Variants in NAV2 observed in about 807,000 individuals in gnomAD.
The protein encoded by NAV2 is helicase, APC down-regulated 1.
In NAV2, 54 loss-of-function variants were observed where a neutral mutation model predicts 223.2. The ratio of observed to expected loss-of-function variants is 0.24; its 90% CI spans 0.19 to 0.30. The LOEUF (loss-of-function observed/expected upper bound fraction) is 0.30, where lower values mean the gene tolerates loss of function less well. Ranked by LOEUF, NAV2 falls within the 10% of genes least tolerant of loss-of-function variation. The pLI, the probability that NAV2 is intolerant of heterozygous loss-of-function variation, is 1.00. For synonymous variants in NAV2, 1,279 were observed against 1,239.3 expected (o/e 1.03, Z -0.67); for missense variants, 2,806 against 3,147.5 (o/e 0.89, Z 2.60).
intron 1 of NAV2, among the ~76,000 whole-genome samples, chr11:19,386,821 G>A (rs1387029510): frequency 1.3e-5 from 2 of 152,118 alleles, no homozygotes; most frequent in Non-Finnish European, 2.9e-5. Flanking sequence ...ATGATATTCA[G>A]AAATAATTTC....
intron 1 of NAV2, among the ~76,000 whole-genome samples, chr11:19,610,584 T>C (rs2046609839): frequency 6.6e-6 from 1 of 152,254 alleles, no homozygotes. Flanking sequence ...AGCCTGTTGA[T>C]ATCCAGTTCT....
At chr11:19,750,873 C>CTATA (rs1241561413) in intron 1 of NAV2, among the ~76,000 whole-genome samples, 2 of 152,166 alleles carry the variant, frequency 1.3e-5, no homozygotes, top group Non-Finnish European at 2.9e-5. Flanking sequence ...TAGCTATATA[C>CTATA]TATACACTGT....
chr11:19,582,584 G>A (rs1460093779), intron 1 of NAV2, among the ~76,000 whole-genome samples: 2 of 152,138 alleles, frequency 1.3e-5, no homozygotes, highest in East Asian at 3.8e-4. Flanking sequence ...TTCTGCATAT[G>A]GCTAGCCAGT....
At chr11:19,499,853 C>T (rs554851133) in intron 1 of NAV2, among the ~76,000 whole-genome samples, 4 of 152,140 alleles carry the variant, frequency 2.6e-5, no homozygotes, top group Admixed American at 2.0e-4. Context: ...TTATGTTTAT[C>T]TCCTATCCCT....
rs77057226 is a variant in NAV2 at position 19,891,039 on chromosome 11, A to G, written c.771-1395A>G. On this transcript the variant is annotated intron_variant, in intron 5 of 37. Coordinates refer to ENST00000349880, the MANE Select transcript of NAV2 (RefSeq NM_145117.5). ...GGGCCAGCTTCTTTTTAACTATATA[A>G]TTTTTACAGTCCCCTCACACCAGCT... Among the ~76,000 whole-genome samples the G allele has an allele frequency of 9.2e-3, 1,398 of 152,094 alleles. 14 individuals carry two copies. The highest frequency in any genetic ancestry group is 0.032 in the African/African-American group (1,334 of 41,474).
At chr11:19,968,754 G>A (rs1442896781) in intron 10 of NAV2, among the ~76,000 whole-genome samples, 2 of 152,192 alleles carry the variant, frequency 1.3e-5, no homozygotes, top group African/African-American at 4.8e-5. Flanking sequence ...AGCTCCTGGT[G>A]CACTGATAGA....
At chr11:19,714,023 A>C in intron 1 of NAV2, 61 bp downstream of exon 1, 1 of 1,585,122 alleles carries the variant, frequency 6.3e-7, no homozygotes, top group Non-Finnish European at 8.6e-7. Flanking sequence ...TTCTTTCGGG[A>C]TGGTGTGGGA....
intron 12 of NAV2, among the ~76,000 whole-genome samples, chr11:20,037,114 A>G (rs2056446731): frequency 6.6e-6 from 1 of 152,084 alleles, no homozygotes; most frequent in East Asian, 1.9e-4. Flanking sequence ...GTAGGCTGGA[A>G]TCTTTTTCAT....
At chr11:19,479,225 A>G (rs1248851336) in intron 1 of NAV2, among the ~76,000 whole-genome samples, 2 of 152,060 alleles carry the variant, frequency 1.3e-5, no homozygotes, top group African/African-American at 4.8e-5. Flanking sequence ...AGAGTCTGGA[A>G]GCTCCACAAG....
intron 6 of NAV2, among the ~76,000 whole-genome samples, chr11:19,906,877 A>G (rs557916753): frequency 9.9e-5 from 15 of 152,278 alleles, no homozygotes; most frequent in African/African-American, 3.6e-4. Flanking sequence ...ACAGGCCTAC[A>G]CTTCTCTGCT....
rs542114113 is a variant in NAV2, at chr11:19,785,976, C to T, written c.268-46508C>T. Among the ~76,000 whole-genome samples the T allele has an allele frequency of 3.9e-5, 6 of 152,226 alleles. 1 individual carries two copies. The highest frequency in any genetic ancestry group is 1.4e-4 in the African/African-American group (6 of 41,542). ...TCACTCAGTAAGGATGACTGCACAC[C>T]TACCTTACACCAGGCAAGGAGGGAA... On this transcript the variant is annotated intron_variant, in intron 1 of 37. Transcript: ENST00000349880.
At chr11:19,866,608 G>A (rs1183095303) in intron 3 of NAV2, among the ~76,000 whole-genome samples, 2 of 152,264 alleles carry the variant, frequency 1.3e-5, no homozygotes, top group South Asian at 2.1e-4. Flanking sequence ...TGTGTTGAAT[G>A]TTCCATAAAT....
intron 1 of NAV2, among the ~76,000 whole-genome samples, chr11:19,556,690 T>C (rs188283052): frequency 8.5e-5 from 13 of 152,352 alleles, no homozygotes; most frequent in African/African-American, 3.1e-4. Flanking sequence ...GAAGATCAAA[T>C]AATTACTATA....
At chr11:19,714,812 G>A (rs547620029) in intron 1 of NAV2, among the ~76,000 whole-genome samples, 1 of 152,302 alleles carries the variant, frequency 6.6e-6, no homozygotes, top group South Asian at 2.1e-4. Flanking sequence ...ACAGAAATTA[G>A]CAAGGGCCAA....
At chr11:19,976,692 T>C (rs2049788858) in intron 10 of NAV2, among the ~76,000 whole-genome samples, 1 of 152,248 alleles carries the variant, frequency 6.6e-6, no homozygotes, top group Admixed American at 6.5e-5. Flanking sequence ...CTTCCTGCTG[T>C]ACCTTGACCA....
intron 8 of NAV2, among the ~76,000 whole-genome samples, chr11:19,944,568 CTTTCCATTTCCA>C: frequency 6.7e-6 from 1 of 148,984 alleles, no homozygotes; most frequent in Non-Finnish European, 1.5e-5. Flanking sequence ...TTCCCTTTCC[CTTTCCATTTCCA>C]TTTCCATTTT....
chr11:20,042,239 G>A (rs1199803929), intron 12 of NAV2, among the ~76,000 whole-genome samples: 1 of 152,228 alleles, frequency 6.6e-6, no homozygotes, highest in Non-Finnish European at 1.5e-5. Context: ...GAGTACTTGT[G>A]TACTTACCCT....
chr11:19,480,114 GA>G (rs1590292819), intron 1 of NAV2, among the ~76,000 whole-genome samples: 5 of 152,130 alleles, frequency 3.3e-5, no homozygotes, highest in South Asian at 4.2e-4. Flanking sequence ...GCCCTGGACA[GA>G]AAAAAAGCAT....
chr11:19,479,837 A>G (rs746726008), intron 1 of NAV2, among the ~76,000 whole-genome samples: 2 of 152,158 alleles, frequency 1.3e-5, no homozygotes, highest in Admixed American at 6.5e-5. Context: ...GCTAACCCCT[A>G]CACTGTGCAT....
Sources: gnomAD v4.1 joint callset for allele counts (sites outside exome capture counted in the v4.1 genomes callset) on GRCh38, gnomAD v4.1.1 for gene constraint, MANE v1.5 for transcripts, NCBI Gene and HGNC (gene_info 2026-07-23, HGNC 2026-07-21) for gene names.